The following FMN2 variants were observed in gnomAD, a reference collection of about 807,000 sequenced individuals.
The protein encoded by FMN2 is formin-2.
Under a neutral mutation model 142.3 loss-of-function variants are expected in FMN2, and 51 were observed. The ratio of observed to expected loss-of-function variants is 0.36; its 90% CI spans 0.29 to 0.45. The LOEUF is 0.45. Among genes scored for constraint, FMN2 ranks in the 20% least tolerant of loss-of-function variants. The probability of loss-of-function intolerance (pLI) is 1.00; values close to 1 mark genes in which losing one functional copy is unlikely to be tolerated. For synonymous variants in FMN2, 882 were observed against 869.8 expected, an observed-to-expected ratio of 1.01 and a Z score of -0.25; for missense variants, 1,936 against 2,122.8, an observed-to-expected ratio of 0.91 and a Z score of 1.73.
At chr1:240,425,284 A>G (rs1462894269) in intron 15 of FMN2, among the ~76,000 whole-genome samples, 1 of 151,880 alleles carries the variant, frequency 6.6e-6, no homozygotes, top group Non-Finnish European at 1.5e-5. Context: ...AAAAACAAGT[A>G]TGGCATCAAA....
At position 240,424,659 on chromosome 1, in the gene FMN2, G is replaced by C. The variant is rs528505993; in HGVS notation, c.4911-13402G>C. 9.9e-5 allele frequency among the ~76,000 whole-genome samples: 15 copies of C among 152,262 alleles called. No homozygotes were observed. In the East Asian group the frequency reaches 2.9e-3, roughly 29 times the overall value. ...ACTCGTAGACCTTACTGTGGACCTG[G>C]CATCCCCATAAGGATGCTCACAGGT... is the stretch of plus-strand genomic sequence containing the variant. On this transcript the variant is annotated intron_variant, in intron 15 of 17. Transcript: ENST00000319653.
At chr1:240,385,494 G>T (rs1192371875) in intron 14 of FMN2, among the ~76,000 whole-genome samples, 3 of 152,092 alleles carry the variant, frequency 2.0e-5, no homozygotes, top group African/African-American at 7.2e-5. Context: ...TTAGCCTGTA[G>T]GTAGAGTAAT....
chr1:240,230,211 C>T lies in FMN2; in HGVS notation c.4065+18976C>T, dbSNP rs1219551205. Among the ~76,000 whole-genome samples the T allele has an allele frequency of 1.5e-5, 2 of 129,212 alleles. 1 individual carries two copies. The highest frequency in any genetic ancestry group is 6.7e-5 in the African/African-American group (2 of 29,768). The allele number at this position is 129,212 out of a possible 152,430, so 84.8% of individuals were successfully genotyped here. A position where few individuals can be genotyped will look rare whatever the true frequency, so the allele number is the denominator to read the frequency against. ...ATGTGCCTGTAGCCCCACCTACTCC[C>T]AGCTGCTTGAGAGGCTGAGGCAGGA... On this transcript the variant is annotated intron_variant, in intron 6 of 17. Coordinates refer to ENST00000319653, the MANE Select transcript of FMN2 (RefSeq NM_020066.5).
Position 240,420,745 on chromosome 1 carries a change from A to G in FMN2, c.4911-17316A>G, listed in dbSNP as rs143906188. On this transcript the variant is annotated intron_variant, in intron 15 of 17. Coordinates refer to ENST00000319653, the MANE Select transcript of FMN2 (RefSeq NM_020066.5). ...AGCAATCACATAGCCACCGTGTGCC[A>G]GAGACTGCCCATGCCCCACATTCCC... Among the ~76,000 whole-genome samples the G allele has an allele frequency of 1.6e-3, 246 of 152,328 alleles. 2 individuals are homozygous for G. Among genetic ancestry groups the G allele is most frequent in the African/African-American group, 5.5e-3 (228 of 41,580 alleles).
intron 6 of FMN2, among the ~76,000 whole-genome samples, chr1:240,248,453 AT>A (rs1572113772): frequency 8.4e-6 from 1 of 118,968 alleles, no homozygotes; most frequent in African/African-American, 3.4e-5. Context: ...ATATATATAT[AT>A]ATATAACATA....
chr1:240,370,442 T>C (rs2103068459), intron 14 of FMN2, among the ~76,000 whole-genome samples: 1 of 152,346 alleles, frequency 6.6e-6, no homozygotes, highest in East Asian at 1.9e-4. Flanking sequence ...CTTACCCACC[T>C]TTTTTCTAAA....
At chr1:240,257,245 G>C (rs549422792) in intron 6 of FMN2, among the ~76,000 whole-genome samples, 1 of 152,100 alleles carries the variant, frequency 6.6e-6, no homozygotes, top group Admixed American at 6.5e-5. Context: ...GGAACCCTTC[G>C]CATGGGATCG....
At chr1:240,209,007 T>C (rs1187030868) in intron 5 of FMN2, among the ~76,000 whole-genome samples, 2 of 152,166 alleles carry the variant, frequency 1.3e-5, no homozygotes, top group African/African-American at 4.8e-5. Flanking sequence ...CTCTTAAAGA[T>C]TGAGGGATAT....
chr1:240,393,906 A>G (rs1014479985), intron 15 of FMN2, among the ~76,000 whole-genome samples: 7 of 152,222 alleles, frequency 4.6e-5, no homozygotes, highest in African/African-American at 1.4e-4. Flanking sequence ...CAGAAAGCCA[A>G]TCACTGAGAT....
intron 8 of FMN2, among the ~76,000 whole-genome samples, chr1:240,306,568 A>G (rs1315849999): frequency 3.9e-5 from 6 of 152,206 alleles, no homozygotes; most frequent in African/African-American, 1.4e-4. Flanking sequence ...TGTTTCTGCA[A>G]AGAACATGAC....
chr1:240,258,291 C>T, intron 7 of FMN2, among the ~76,000 whole-genome samples: 1 of 152,116 alleles, frequency 6.6e-6, no homozygotes, highest in East Asian at 1.9e-4. Flanking sequence ...CTACTATAAC[C>T]AAGTACCCCA....
chr1:240,162,027 G>A (rs1664301322), intron 2 of FMN2, among the ~76,000 whole-genome samples: 1 of 152,018 alleles, frequency 6.6e-6, no homozygotes, highest in African/African-American at 2.4e-5. Flanking sequence ...AGCGCTTTAG[G>A]GGGCTGAGAT....
intron 4 of FMN2, among the ~76,000 whole-genome samples, chr1:240,195,496 C>G (rs1350150013): frequency 6.6e-6 from 1 of 152,046 alleles, no homozygotes. Context: ...CTGCTGTTGG[C>G]CATAGTAAAT....
At chr1:240,407,505 G>A (rs1163153422) in intron 15 of FMN2, among the ~76,000 whole-genome samples, 2 of 152,164 alleles carry the variant, frequency 1.3e-5, no homozygotes, top group African/African-American at 2.4e-5. Flanking sequence ...TTCCAGCACC[G>A]TTGAAGTCCT....
At position 240,123,185 on chromosome 1, in the gene FMN2, C is replaced by T. The variant is rs780407409; in HGVS notation, c.1622C>T (p.Thr541Met). Residue 541 changes from threonine to methionine, a missense_variant, in exon 2 of 18, where the codon ACG (threonine) becomes ATG (methionine). By Grantham distance (81) the Thr-to-Met change is moderately conservative (BLOSUM62 -1). Around this residue, in one of 8 missense-constraint regions of FMN2, gnomAD observed 751 missense variants for 791.8 expected, o/e 0.95. Transcript: ENST00000319653. ...GACTGTGTTTCATCTGCAGGGCGAACGCTGTTGGAGAAGCTGTTCAGCCAG... is the reference window on the plus strand; with the variant it reads ...GACTGTGTTTCATCTGCAGGGCGAATGCTGTTGGAGAAGCTGTTCAGCCAG... Reference protein sequence around the residue: ...DGFQNVFTGRTLLEKLFSQQE... With the variant: ...DGFQNVFTGRMLLEKLFSQQE... 9 of 1,613,976 alleles carry T rather than the reference C, an allele frequency of 5.6e-6. No individual in the cohort carries two copies. The highest frequency in any genetic ancestry group is 5.9e-6 in the Non-Finnish European group (7 of 1,180,014).
intron 14 of FMN2, among the ~76,000 whole-genome samples, chr1:240,385,669 AGATTTGG>A (rs1673380516): frequency 6.6e-6 from 1 of 152,210 alleles, no homozygotes; most frequent in Admixed American, 6.5e-5. Context: ...TTTAAAACGA[AGATTTGG>A]AGAGGAATTT....
intron 15 of FMN2, among the ~76,000 whole-genome samples, chr1:240,411,108 C>A (rs1674372485): frequency 6.6e-6 from 1 of 152,046 alleles, no homozygotes; most frequent in Non-Finnish European, 1.5e-5. Flanking sequence ...GGAAGGTTGT[C>A]TAGAAGATAT....
At chr1:240,241,130 C>A (rs1667881076) in intron 6 of FMN2, among the ~76,000 whole-genome samples, 1 of 151,948 alleles carries the variant, frequency 6.6e-6, no homozygotes, top group Non-Finnish European at 1.5e-5. Context: ...AGAAATGCAA[C>A]CTGCTAGAAT....
intron 15 of FMN2, among the ~76,000 whole-genome samples, chr1:240,435,128 C>T (rs1675322304): frequency 6.6e-6 from 1 of 151,946 alleles, no homozygotes; most frequent in Admixed American, 6.6e-5. Context: ...ATGCAAAGAA[C>T]ATTTTTATTG....
Sources: allele counts gnomAD v4.1 joint callset (sites outside exome capture counted in the v4.1 genomes callset), GRCh38; gene constraint gnomAD v4.1.1; regional missense constraint gnomAD v4.1.1; transcripts MANE v1.5; gene names NCBI Gene and HGNC (gene_info 2026-07-23, HGNC 2026-07-21).